The following RIMKLB variants were observed in gnomAD, a reference collection of about 807,000 sequenced individuals.
RIMKLB encodes the protein beta-citrylglutamate synthase B.
In RIMKLB, 7 loss-of-function variants were observed where a neutral mutation model predicts 32.0. The observed-to-expected ratio is 0.22, with a 90% CI of 0.12 to 0.41. The LOEUF is 0.41. Ranked by LOEUF, RIMKLB falls within the 10% of genes least tolerant of loss-of-function variation. The pLI, the probability that RIMKLB is intolerant of heterozygous loss-of-function variation, is 1.00. For missense variants in RIMKLB, 289 were observed against 498.7 expected (o/e 0.58, Z 4.00); for synonymous variants, 172 against 185.1 (o/e 0.93, Z 0.57).
Position 8,774,419 on chromosome 12 carries a change from A to T in RIMKLB, c.*635A>T. On this transcript the variant is annotated 3_prime_UTR_variant, in exon 6 of 6. Transcript: ENST00000535829. ...TTAATGACAAAATTGGCATGTTTGC[A>T]TGATGAAATGGAAATGAACAGTATT... 1 of 985,818 alleles carries T rather than the reference A, an allele frequency of 1.0e-6. No individual in the cohort carries two copies. The highest frequency in any genetic ancestry group is 1.2e-6 in the Non-Finnish European group (1 of 829,890). 61.1% of individuals were successfully genotyped at this position (985,818 alleles called of 1,614,324 possible).
At chr12:8,735,884 C>T (rs903296555) in intron 2 of RIMKLB, among the ~76,000 whole-genome samples, 2 of 152,028 alleles carry the variant, frequency 1.3e-5, no homozygotes, top group East Asian at 3.9e-4. Flanking sequence ...GCATGCACTG[C>T]CACGCCCCGC....
At chr12:8,743,354 C>CAAAAAAAAAAAAAA (rs60066068) in intron 2 of RIMKLB, among the ~76,000 whole-genome samples, 25 of 65,186 alleles carry the variant, frequency 3.8e-4, no homozygotes, top group African/African-American at 1.4e-3. Context: ...GAGTCTGTCT[C>CAAAAAAAAAAAAAA]AAAAAAAAAA....
chr12:8,694,790 T>C (rs1287050725), upstream of RIMKLB, among the ~76,000 whole-genome samples: 3 of 152,176 alleles, frequency 2.0e-5, no homozygotes, highest in Non-Finnish European at 4.4e-5. Flanking sequence ...CTCAAAGACA[T>C]TACTTACCTA....
At chr12:8,745,139 C>A (rs766624492) in intron 2 of RIMKLB, among the ~76,000 whole-genome samples, 3 of 151,846 alleles carry the variant, frequency 2.0e-5, no homozygotes, top group Admixed American at 2.0e-4. Context: ...TTAGTAGAGA[C>A]GGGTTTTGCC....
At chr12:8,762,924 AGTTAT>A (rs1277399125) in intron 5 of RIMKLB, among the ~76,000 whole-genome samples, 10 of 152,168 alleles carry the variant, frequency 6.6e-5, no homozygotes, top group African/African-American at 2.4e-4. Flanking sequence ...ACCTGTTGAC[AGTTAT>A]GTTCTTTTTT....
chr12:8,769,773 ACTT>A (rs1374121491), intron 5 of RIMKLB, among the ~76,000 whole-genome samples: 4 of 152,172 alleles, frequency 2.6e-5, no homozygotes, highest in African/African-American at 7.2e-5. Flanking sequence ...TTTATTTACT[ACTT>A]CACTGTATCA....
chr12:8,714,448 G>A (rs59824700), intron 2 of RIMKLB, among the ~76,000 whole-genome samples: 39 of 152,166 alleles, frequency 2.6e-4, no homozygotes, highest in Admixed American at 2.3e-3. Context: ...AAAATACCTT[G>A]TTTATAAGGT....
At position 8,773,982 on chromosome 12, in the gene RIMKLB, G is replaced by A; in HGVS notation, c.*198G>A. 5.8e-6 allele frequency: 8 copies of A among 1,388,966 alleles called. No homozygotes were observed. The highest frequency in any genetic ancestry group is 7.4e-6 in the Non-Finnish European group (8 of 1,075,294). 86.0% of individuals were successfully genotyped at this position (1,388,966 alleles called of 1,614,324 possible). Reference sequence around the variant, plus strand: ...CTTTCATTTACAAATCCTACAAATAGAGAGGCAGAATAGGTGGGGTATAGA... The same window carrying A: ...CTTTCATTTACAAATCCTACAAATAAAGAGGCAGAATAGGTGGGGTATAGA... On this transcript the variant is annotated 3_prime_UTR_variant, in exon 6 of 6. Coordinates refer to ENST00000535829, the MANE Select transcript of RIMKLB (RefSeq NM_001297776.2).
chr12:8,714,083 A>T (rs1450614313), intron 2 of RIMKLB, 42 bp downstream of exon 2: 1 of 1,530,906 alleles, frequency 6.5e-7, no homozygotes, highest in East Asian at 2.3e-5. Context: ...TTTTACCTAG[A>T]ATATGATGAA....
intron 5 of RIMKLB, among the ~76,000 whole-genome samples, chr12:8,771,216 G>A (rs951033227): frequency 1.3e-5 from 2 of 152,166 alleles, no homozygotes; most frequent in African/African-American, 4.8e-5. Flanking sequence ...GGGAAACCCA[G>A]CAAGGCCTGT....
intron 5 of RIMKLB, among the ~76,000 whole-genome samples, chr12:8,762,206 C>T (rs7964869): frequency 0.071 from 10,849 of 152,054 alleles, 1,263 homozygotes; most frequent in African/African-American, 0.24. Flanking sequence ...GGAGGTGCAG[C>T]GAGAGTGAAA....
At chr12:8,733,306 A>G (rs1946714630) in intron 2 of RIMKLB, among the ~76,000 whole-genome samples, 1 of 127,836 alleles carries the variant, frequency 7.8e-6, no homozygotes, top group Non-Finnish European at 1.6e-5. Context: ...TTGTTAAAGC[A>G]AAAAAAAAAA....
intron 2 of RIMKLB, chr12:8,742,715 G>T: frequency 4.5e-6 from 1 of 222,250 alleles, no homozygotes; most frequent in South Asian, 6.8e-5. Context: ...TACCACCACT[G>T]GAGCCACTCC....
At chr12:8,672,804 T>C in the RIMKLB span, among the ~76,000 whole-genome samples, 1 of 152,180 alleles carries the variant, frequency 6.6e-6, no homozygotes, top group African/African-American at 2.4e-5. Context: ...CTGCCCTTGC[T>C]TTGCCTTCCG....
rs771027909 is a variant in RIMKLB, at chr12:8,684,584, G to A, written n.219+2766G>A. On this transcript the variant is annotated intron_variant and non_coding_transcript_variant, in intron 1 of 1. Transcript: ENST00000538758. The stretch of plus-strand genomic sequence containing the variant: ...GAAGTGTGTAAGGTCTGTGTCTACT[G>A]TGTAGATTCTTTTTCTTTTTTTCAT... Among the ~76,000 whole-genome samples, 25 of 152,262 alleles carry A rather than the reference G, an allele frequency of 1.6e-4. No individual in the cohort carries two copies. In the South Asian group the frequency reaches 5.2e-3, roughly 32 times the overall value.
Position 8,773,813 on chromosome 12 carries a change from T to G in RIMKLB, c.*29T>G, listed in dbSNP as rs762993821. 6.4e-7 allele frequency: 1 copy of G among 1,564,324 alleles called. No homozygotes were observed. Among genetic ancestry groups the G allele is most frequent in the Admixed American group, 2.0e-5 (1 of 51,218 alleles). ...CACTGGTAATTAACCAACAAAACCC[T>G]TGTAAAACTTTCTTTCTTCTTTTCT... is the stretch of plus-strand genomic sequence containing the variant. On this transcript the variant is annotated 3_prime_UTR_variant, in exon 6 of 6. Transcript: ENST00000535829.
upstream of RIMKLB, among the ~76,000 whole-genome samples, chr12:8,677,746 C>T (rs1200219470): frequency 6.6e-6 from 1 of 150,746 alleles, no homozygotes; most frequent in Non-Finnish European, 1.5e-5. Flanking sequence ...AGAACCTTTG[C>T]CCTTTTTTTT....
Position 8,774,301 on chromosome 12 carries a change from T to C in RIMKLB, c.*517T>C. ...CTTTAGTTTGTAGTTTATGAAATCT[T>C]GAGGGGCTCTTTTACTGGGATTTCT... On this transcript the variant is annotated 3_prime_UTR_variant, in exon 6 of 6. Coordinates refer to ENST00000535829, the MANE Select transcript of RIMKLB (RefSeq NM_001297776.2). 2.0e-6 allele frequency: 2 copies of C among 985,326 alleles called. No homozygotes were observed. The highest frequency in any genetic ancestry group is 4.7e-5 in the South Asian group (1 of 21,286). The allele number at this position is 985,326 out of a possible 1,614,324, so 61.0% of individuals were successfully genotyped here. A position where few individuals can be genotyped will look rare whatever the true frequency, so the allele number is the denominator to read the frequency against.
chr12:8,698,804 T>C (rs868575390), intron 1 of RIMKLB, among the ~76,000 whole-genome samples: 8 of 152,070 alleles, frequency 5.3e-5, no homozygotes, highest in Non-Finnish European at 7.4e-5. Context: ...TTTTCCTCCT[T>C]ACGTGTAAAT....
Sources: gnomAD v4.1 joint callset for allele counts (sites outside exome capture counted in the v4.1 genomes callset) on GRCh38, gnomAD v4.1.1 for gene constraint, MANE v1.5 for transcripts, NCBI Gene and HGNC (gene_info 2026-07-23, HGNC 2026-07-21) for gene names.